UBTD2: variants seen among roughly 807,000 people sequenced by gnomAD.
UBTD2 encodes the protein ubiquitin domain containing 2.
Under a neutral mutation model 19.8 loss-of-function variants are expected in UBTD2, and 9 were observed. The observed-to-expected ratio is 0.46, with a 90% CI of 0.27 to 0.79. UBTD2 has a LOEUF of 0.79. UBTD2 is among the 30% of genes least tolerant of loss of function. The pLI is 0.14. For synonymous variants in UBTD2, 98 were observed against 103.9 expected, an observed-to-expected ratio of 0.94 and a Z score of 0.35; for missense variants, 250 against 300.4, an observed-to-expected ratio of 0.83 and a Z score of 1.24.
intron 1 of UBTD2, among the ~76,000 whole-genome samples, chr5:172,282,149 T>A (rs1403616003): frequency 1.3e-5 from 2 of 152,218 alleles, no homozygotes; most frequent in Admixed American, 1.3e-4. Context: ...AATACTAATA[T>A]ATTTCAGAAT....
intron 1 of UBTD2, among the ~76,000 whole-genome samples, chr5:172,263,851 C>CTGTGTGTGTATGTG (rs1554129980): frequency 1.4e-5 from 2 of 142,224 alleles, no homozygotes; most frequent in Non-Finnish European, 3.0e-5. Flanking sequence ...GCACGTGCCT[C>CTGTGTGTGTATGTG]TGTGTGTGTG....
chr5:172,221,541 T>C (rs1457043859), intron 2 of UBTD2, among the ~76,000 whole-genome samples: 2 of 152,046 alleles, frequency 1.3e-5, no homozygotes, highest in Non-Finnish European at 2.9e-5. Context: ...CAGTAAGTCA[T>C]GAAAACACAT....
At chr5:172,227,454 A>AAATC (rs540132781) in intron 2 of UBTD2, among the ~76,000 whole-genome samples, 5 of 152,110 alleles carry the variant, frequency 3.3e-5, no homozygotes, top group Non-Finnish European at 7.4e-5. Flanking sequence ...AGTCCAGCAA[A>AAATC]AATCCCATCT....
chr5:172,232,889 A>G (rs1474567238), intron 2 of UBTD2, among the ~76,000 whole-genome samples: 1 of 152,010 alleles, frequency 6.6e-6, no homozygotes, highest in African/African-American at 2.4e-5. Context: ...TCTCTTAAAA[A>G]AAGGGACTTT....
At position 172,234,278 on chromosome 5, in the gene UBTD2, G is replaced by A. The variant is rs765867493; in HGVS notation, c.151C>T (p.Arg51Cys). The A allele has an allele frequency of 1.2e-5, 20 of 1,614,046 alleles. No homozygotes were observed. Among genetic ancestry groups the A allele is most frequent in the Middle Eastern group, 1.6e-4 (1 of 6,084 alleles). The change falls in exon 2 of 3, where the codon CGC becomes TGC. Residue 51 changes from arginine to cysteine, a missense_variant. Coordinates refer to ENST00000393792, the MANE Select transcript of UBTD2 (RefSeq NM_152277.3). ...SDYPMTDGQL[R>C]SKRDEFWDTA... Reference sequence around the variant, plus strand: ...TCCCAAAATTCATCCCTCTTGCTGCGTAGTTGTCCATCTGTCATAGGATAA... The same window carrying A: ...TCCCAAAATTCATCCCTCTTGCTGCATAGTTGTCCATCTGTCATAGGATAA...
chr5:172,231,868 T>C (rs1771908246), intron 2 of UBTD2, among the ~76,000 whole-genome samples: 1 of 152,134 alleles, frequency 6.6e-6, no homozygotes, highest in African/African-American at 2.4e-5. Flanking sequence ...AAGACGATAA[T>C]TACAAAACTG....
At chr5:172,276,468 A>G (rs10046091) in intron 1 of UBTD2, among the ~76,000 whole-genome samples, 48,807 of 151,744 alleles carry the variant, frequency 0.32, 7,871 homozygotes, top group South Asian at 0.42. Flanking sequence ...GCTTTACTTC[A>G]TAACCATTCT....
intron 1 of UBTD2, among the ~76,000 whole-genome samples, chr5:172,278,337 G>A (rs938865948): frequency 4.6e-5 from 7 of 152,056 alleles, no homozygotes; most frequent in Non-Finnish European, 8.8e-5. Flanking sequence ...GGCCAACATG[G>A]TGAAACCCCG....
chr5:172,257,887 T>C (rs911790163), intron 1 of UBTD2, among the ~76,000 whole-genome samples: 3 of 152,226 alleles, frequency 2.0e-5, no homozygotes, highest in African/African-American at 7.2e-5. Context: ...GTTAAGTTTC[T>C]TATCAATTCA....
Position 172,234,719 on chromosome 5 carries a change from C to T in UBTD2, c.71-361G>A, listed in dbSNP as rs572305632. On this transcript the variant is annotated intron_variant, in intron 1 of 2. Coordinates refer to ENST00000393792, the MANE Select transcript of UBTD2 (RefSeq NM_152277.3). ...TCCAGGAGTTCGAGACTAGCCTGGG[C>T]AACATGGTGAGACCCCCATCTCTAC... Among the ~76,000 whole-genome samples, 19 of 152,204 alleles carry T rather than the reference C, an allele frequency of 1.2e-4. No homozygotes were observed. In the South Asian group the frequency reaches 3.1e-3, roughly 25 times the overall value.
At chr5:172,212,383 C>T (rs1771469334) in intron 2 of UBTD2, among the ~76,000 whole-genome samples, 156 bp from the exon 3 acceptor site, 1 of 152,120 alleles carries the variant, frequency 6.6e-6, no homozygotes, top group South Asian at 2.1e-4. Context: ...ATCCCATGCC[C>T]AATTATTTGA....
At chr5:172,275,308 A>G (rs930634910) in intron 1 of UBTD2, among the ~76,000 whole-genome samples, 2 of 152,146 alleles carry the variant, frequency 1.3e-5, no homozygotes, top group South Asian at 4.1e-4. Flanking sequence ...CCCACTGGGT[A>G]TCTCCCATGA....
intron 1 of UBTD2, among the ~76,000 whole-genome samples, chr5:172,249,985 C>T (rs12514152): frequency 1.3e-5 from 2 of 152,088 alleles, no homozygotes; most frequent in South Asian, 2.1e-4. Context: ...AAGATTAGGA[C>T]GCCAAGGTGG....
intron 1 of UBTD2, chr5:172,254,718 G>C (rs1036459416): frequency 1.6e-5 from 5 of 315,454 alleles, no homozygotes; most frequent in African/African-American, 1.4e-4. Flanking sequence ...TGATTCTCTT[G>C]CAACAATGCT....
intron 1 of UBTD2, among the ~76,000 whole-genome samples, chr5:172,272,587 CAAGAT>C (rs1352835254): frequency 6.6e-6 from 1 of 152,078 alleles, no homozygotes; most frequent in East Asian, 1.9e-4. Flanking sequence ...ATTCCTGCAA[CAAGAT>C]AAGAATGTGT....
intron 1 of UBTD2, among the ~76,000 whole-genome samples, chr5:172,273,671 G>A (rs1755547867): frequency 6.7e-6 from 1 of 149,718 alleles, no homozygotes; most frequent in Admixed American, 6.6e-5. Context: ...TGAAAATGGA[G>A]TGGGACTAGC....
chr5:172,271,301 C>T (rs1375920494), intron 1 of UBTD2, among the ~76,000 whole-genome samples: 3 of 151,922 alleles, frequency 2.0e-5, no homozygotes, highest in Non-Finnish European at 4.4e-5. Context: ...TGGTGGCAGG[C>T]GCTTGTAGTC....
chr5:172,262,623 C>A (rs1755293869), intron 1 of UBTD2, among the ~76,000 whole-genome samples: 1 of 151,736 alleles, frequency 6.6e-6, no homozygotes, highest in African/African-American at 2.4e-5. Context: ...ACCAGCCTCA[C>A]CAACAAGGCA....
Position 172,246,441 on chromosome 5 carries a change from C to CTT in UBTD2, c.71-12085_71-12084dup, listed in dbSNP as rs36037402. ...TTAAAAAAGAAACACATTGAGATTG[C>CTT]TTTTTTTTTTTTTTTTTTTTTTGAG... On this transcript the variant is annotated intron_variant, in intron 1 of 2. Transcript: ENST00000393792. 2.2e-3 allele frequency among the ~76,000 whole-genome samples: 191 copies of CTT among 85,070 alleles called. 1 individual carries two copies. Among genetic ancestry groups the CTT allele is most frequent in the Non-Finnish European group, 3.1e-3 (151 of 47,956 alleles). The allele number at this position is 85,070 out of a possible 152,430, so 55.8% of individuals were successfully genotyped here.
Sources: gnomAD v4.1 joint callset for allele counts (sites outside exome capture counted in the v4.1 genomes callset) on GRCh38, gnomAD v4.1.1 for gene constraint, MANE v1.5 for transcripts, NCBI Gene and HGNC (gene_info 2026-07-23, HGNC 2026-07-21) for gene names.